MUC13: variants seen among roughly 807,000 people sequenced by gnomAD.
MUC13 encodes mucin 13, cell surface associated, also known as mucin-13.
In MUC13, 32 loss-of-function variants were observed where a neutral mutation model predicts 48.3. The ratio of observed to expected loss-of-function variants is 0.66; its 90% confidence interval spans 0.50 to 0.89. MUC13 has a LOEUF of 0.89. MUC13 is among the 40% of genes least tolerant of loss of function. The probability of loss-of-function intolerance (pLI) is 0.00; values close to 1 mark genes in which losing one functional copy is unlikely to be tolerated. For synonymous variants in MUC13, 199 were observed against 224.9 expected, an observed-to-expected ratio of 0.88 and a Z score of 1.03; for missense variants, 571 against 622.8, an observed-to-expected ratio of 0.92 and a Z score of 0.88.
At chr3:124,922,401 T>C in intron 3 of MUC13, 98 bp from the exon 4 acceptor site, 4 of 1,410,536 alleles carry the variant, frequency 2.8e-6, no homozygotes, top group Non-Finnish European at 3.8e-6. Flanking sequence ...TTCCCAACAT[T>C]ATATAACGAC....
At chr3:124,911,127 G>A (rs1935414102) in intron 9 of MUC13, among the ~76,000 whole-genome samples, 1 of 152,144 alleles carries the variant, frequency 6.6e-6, no homozygotes, top group Non-Finnish European at 1.5e-5. Context: ...ATGATATTTT[G>A]GATATATAGA....
intron 5 of MUC13, among the ~76,000 whole-genome samples, chr3:124,917,222 G>A (rs1397265051): frequency 1.3e-5 from 2 of 152,094 alleles, no homozygotes; most frequent in African/African-American, 4.8e-5. Flanking sequence ...TGAATCAAGT[G>A]ATACAATCAC....
intron 1 of MUC13, among the ~76,000 whole-genome samples, chr3:124,928,685 A>G (rs1165599940): frequency 6.6e-6 from 1 of 152,158 alleles, no homozygotes; most frequent in East Asian, 1.9e-4. Flanking sequence ...CCCGCAGAAG[A>G]GTTAATGTTT....
chr3:124,910,320 G>C, intron 10 of MUC13, 95 bp downstream of exon 10: 1 of 1,504,000 alleles, frequency 6.6e-7, no homozygotes, highest in Non-Finnish European at 8.9e-7. Context: ...GATGGCTTGA[G>C]TTCAGGAGTT....
Position 124,927,767 on chromosome 3 carries a change from A to G in MUC13, c.279T>C (p.His93=). The change falls in exon 2 of 12, where the codon CAT becomes CAC. Residue 93 remains histidine, a synonymous_variant. Coordinates refer to ENST00000616727, the MANE Select transcript of MUC13 (RefSeq NM_033049.4). ...PTPAPPIIST[H]SSSTIPIPTA... ...TAGGTATAGGAATTGTGGAGGAACTATGTGTACTAATTATGGGGGGAGCAG... is the reference window on the plus strand; with the variant it reads ...TAGGTATAGGAATTGTGGAGGAACTGTGTGTACTAATTATGGGGGGAGCAG... 1 of 1,606,590 alleles carries G rather than the reference A, an allele frequency of 6.2e-7. No individual in the cohort carries two copies. Among genetic ancestry groups the G allele is most frequent in the South Asian group, 1.1e-5 (1 of 90,066 alleles).
chr3:124,916,022 A>G (rs1935506199), intron 6 of MUC13, among the ~76,000 whole-genome samples: 1 of 152,220 alleles, frequency 6.6e-6, no homozygotes, highest in African/African-American at 2.4e-5. Context: ...TTAACCTGAC[A>G]TAAAGCCCTG....
intron 1 of MUC13, among the ~76,000 whole-genome samples, chr3:124,932,982 A>C (rs1673235748): frequency 6.6e-6 from 1 of 152,102 alleles, no homozygotes; most frequent in South Asian, 2.1e-4. Flanking sequence ...ATTTTTAAAA[A>C]GTCAAGCCTT....
intron 4 of MUC13, 54 bp downstream of exon 4, chr3:124,922,143 C>G (rs1453358036): frequency 6.3e-7 from 1 of 1,598,784 alleles, no homozygotes; most frequent in Non-Finnish European, 8.5e-7. Flanking sequence ...CACTCTGCAA[C>G]TCAGTGTTAG....
rs1223852447 is a variant in MUC13, at chr3:124,905,473, C to A, written c.*1270G>T. 6.6e-6 allele frequency: 1 copy of A among 151,444 alleles called. No individual in the cohort carries two copies. Among genetic ancestry groups the A allele is most frequent in the Non-Finnish European group, 1.5e-5 (1 of 67,882 alleles). 9.4% of individuals were successfully genotyped at this position (151,444 alleles called of 1,614,324 possible). A position where few individuals can be genotyped will look rare whatever the true frequency, so the allele number is the denominator to read the frequency against. On this transcript the variant is annotated 3_prime_UTR_variant, in exon 12 of 12. Transcript: ENST00000616727. ...CTAACAAAGGCACTTTATTGCATTA[C>A]CATTCACAATTAACAGTCAAGAACA...
chr3:124,908,372 G>A, intron 10 of MUC13, 24 bp from the exon 11 acceptor site: 2 of 1,588,362 alleles, frequency 1.3e-6, no homozygotes, highest in Non-Finnish European at 8.6e-7. Flanking sequence ...GAGGAATTAG[G>A]ATTTGACAAT....
chr3:124,913,000 C>A, intron 8 of MUC13, 111 bp downstream of exon 8: 1 of 1,234,176 alleles, frequency 8.1e-7, no homozygotes, highest in Non-Finnish European at 1.1e-6. Context: ...CTCTACCAAC[C>A]TATGACAGCT....
chr3:124,908,416 C>A, intron 10 of MUC13, 68 bp from the exon 11 acceptor site: 1 of 1,208,450 alleles, frequency 8.3e-7, no homozygotes, highest in South Asian at 1.4e-5. Flanking sequence ...TGTTAATGTT[C>A]TTTTTAAAAA....
intron 11 of MUC13, among the ~76,000 whole-genome samples, chr3:124,907,221 G>T (rs1157382056): frequency 6.6e-6 from 1 of 152,010 alleles, no homozygotes; most frequent in Non-Finnish European, 1.5e-5. Flanking sequence ...TGCCCAGGCT[G>T]GTCTCGAACT....
chr3:124,918,705 T>C (rs568571938), intron 5 of MUC13, among the ~76,000 whole-genome samples: 2 of 152,334 alleles, frequency 1.3e-5, no homozygotes, highest in South Asian at 2.1e-4. Flanking sequence ...AGTACAGGCT[T>C]AGCTAACTCC....
intron 5 of MUC13, among the ~76,000 whole-genome samples, chr3:124,917,493 C>T (rs538666129): frequency 2.0e-5 from 3 of 151,792 alleles, no homozygotes; most frequent in East Asian, 1.9e-4. Context: ...ACCACAGGCA[C>T]GCGCCACCGT....
At chr3:124,909,960 T>C (rs1935390454) in intron 10 of MUC13, among the ~76,000 whole-genome samples, 1 of 152,214 alleles carries the variant, frequency 6.6e-6, no homozygotes, top group Admixed American at 6.5e-5. Context: ...TTTTAAAAGA[T>C]AGAAATAAAT....
At chr3:124,929,464 G>A (rs968346402) in intron 1 of MUC13, among the ~76,000 whole-genome samples, 1 of 152,204 alleles carries the variant, frequency 6.6e-6, no homozygotes, top group Admixed American at 6.5e-5. Flanking sequence ...AGGGTGCAGA[G>A]AACTGCAGAA....
intron 1 of MUC13, among the ~76,000 whole-genome samples, chr3:124,932,813 G>A (rs1935820014): frequency 6.6e-6 from 1 of 151,958 alleles, no homozygotes; most frequent in African/African-American, 2.4e-5. Flanking sequence ...ATCCCTGCTT[G>A]CCCTACTTTT....
intron 2 of MUC13, among the ~76,000 whole-genome samples, chr3:124,927,253 C>A (rs1021048880): frequency 6.6e-6 from 1 of 152,020 alleles, no homozygotes; most frequent in African/African-American, 2.4e-5. Flanking sequence ...ATAGAGCTAC[C>A]TTTCACAAAG....
Sources: allele counts gnomAD v4.1 joint callset (sites outside exome capture counted in the v4.1 genomes callset), GRCh38; gene constraint gnomAD v4.1.1; transcripts MANE v1.5; gene names NCBI Gene and HGNC (gene_info 2026-07-23, HGNC 2026-07-21).